The following CTSK variants were observed in gnomAD, a reference collection of about 807,000 sequenced individuals.
The protein encoded by CTSK is cathepsin O.
In CTSK, 26 loss-of-function variants were observed where a neutral mutation model predicts 40.5. That is an observed-to-expected ratio of 0.64 (90% CI 0.47 to 0.89). The LOEUF is 0.89. Ranked by LOEUF, CTSK falls within the 40% of genes least tolerant of loss-of-function variation. The probability of loss-of-function intolerance (pLI) is 0.00; values close to 1 mark genes in which losing one functional copy is unlikely to be tolerated. For synonymous variants in CTSK, 132 were observed against 143.2 expected (o/e 0.92, Z 0.56); for missense variants, 292 against 400.1 (o/e 0.73, Z 2.30).
At chr1:150,807,080 T>TCTCACACACA (rs1491280032) in intron 1 of CTSK, among the ~76,000 whole-genome samples, 1 of 69,552 alleles carries the variant, frequency 1.4e-5, no homozygotes, top group Non-Finnish European at 3.6e-5. Context: ...TCTCTCTCTC[T>TCTCACACACA]CACACACACA....
intron 4 of CTSK, 129 bp from the exon 5 acceptor site, chr1:150,804,368 C>T (rs1654047697): frequency 1.3e-6 from 1 of 759,396 alleles, no homozygotes; most frequent in Non-Finnish European, 2.3e-6. Flanking sequence ...TGTGAGTCTT[C>T]CTCTTCCGCT....
chr1:150,796,987 T>A (rs1653887802), intron 7 of CTSK, 89 bp from the exon 8 acceptor site: 2 of 914,020 alleles, frequency 2.2e-6, no homozygotes, highest in South Asian at 2.7e-5. Context: ...GTACTGATGG[T>A]ACACAAAAAT....
chr1:150,798,175 C>A (rs1311619329), intron 7 of CTSK, among the ~76,000 whole-genome samples: 1 of 152,088 alleles, frequency 6.6e-6, no homozygotes, highest in African/African-American at 2.4e-5. Flanking sequence ...TTTCTTTGTT[C>A]CCCAACATAG....
Position 150,806,767 on chromosome 1 carries a change from G to A in CTSK, c.39C>T (p.Ser13=), listed in dbSNP as rs1654100809. Residue 13 remains serine, a synonymous_variant, in exon 2 of 8, where the codon AGC becomes AGT. Transcript: ENST00000271651. ...GLKVLLLPVV[S]FALYPEEILD... ...GTATCTCCTCAGGGTACAGAGCAAA[G>A]CTCACCACAGGTAGCAGCAGAACCT... The A allele has an allele frequency of 6.2e-7, 1 of 1,614,036 alleles. No homozygotes were observed. The highest frequency in any genetic ancestry group is 2.2e-5 in the East Asian group (1 of 44,882).
intron 1 of CTSK, among the ~76,000 whole-genome samples, chr1:150,807,925 G>T (rs1654149120): frequency 6.6e-6 from 1 of 152,126 alleles, no homozygotes; most frequent in Admixed American, 6.5e-5. Context: ...ATCCTTGTTG[G>T]CCAAAGTAGA....
chr1:150,796,836 C>T lies in CTSK; in HGVS notation c.953G>A (p.Cys318Tyr), dbSNP rs762780994. The T allele has an allele frequency of 1.8e-5, 29 of 1,614,192 alleles. No homozygotes were observed. The African/African-American group carries it at 2.5e-4, about 14-fold the overall frequency. Reference protein sequence around the residue: ...ILMARNKNNACGIANLASFPK... With the variant: ...ILMARNKNNAYGIANLASFPK... ...GAAGCTGGCCAGGTTGGCAATGCCACAGGCGTTGTTCTTATTTCGAGCCAT... is the reference window on the plus strand; with the variant it reads ...GAAGCTGGCCAGGTTGGCAATGCCATAGGCGTTGTTCTTATTTCGAGCCAT... Residue 318 changes from cysteine (C) to tyrosine (Y), a missense_variant, in exon 8 of 8, where the codon TGT (cysteine) becomes TAT (tyrosine). Cys to Tyr is a radical substitution (Grantham distance 194, BLOSUM62 -2). Transcript: ENST00000271651.
chr1:150,803,794 C>G (rs1473065121), intron 5 of CTSK, among the ~76,000 whole-genome samples: 4 of 152,186 alleles, frequency 2.6e-5, no homozygotes, highest in African/African-American at 9.7e-5. Context: ...AGCCTAGCCT[C>G]TGTTTTCTCT....
intron 5 of CTSK, among the ~76,000 whole-genome samples, chr1:150,800,210 C>CAAAAAAAAAAAA (rs1553196993): frequency 8.6e-5 from 3 of 34,830 alleles, no homozygotes; most frequent in African/African-American, 1.9e-4. Flanking sequence ...AAAAAAAAAT[C>CAAAAAAAAAAAA]AACTACAGGT....
Position 150,799,517 on chromosome 1 carries a change from T to C in CTSK, c.784+27A>G, listed in dbSNP as rs200101882. 6.2e-6 allele frequency: 10 copies of C among 1,613,466 alleles called. 1 individual carries two copies. Among genetic ancestry groups the C allele is most frequent in the East Asian group, 2.2e-5 (1 of 44,882 alleles). On this transcript the variant is annotated intron_variant, in intron 6 of 7. Transcript: ENST00000271651. Reference sequence around the variant, plus strand: ...ATCAAGTTTGTATCATAAAAGACAGTGCTGTATAGGATCAGCAGCTTCTTA... The same window carrying C: ...ATCAAGTTTGTATCATAAAAGACAGCGCTGTATAGGATCAGCAGCTTCTTA...
chr1:150,806,561 G>C, intron 2 of CTSK, 125 bp downstream of exon 2: 1 of 1,246,932 alleles, frequency 8.0e-7, no homozygotes, highest in Admixed American at 1.7e-5. Flanking sequence ...GTTAACATGA[G>C]TTAGGGAAGA....
intron 7 of CTSK, among the ~76,000 whole-genome samples, chr1:150,797,717 A>C (rs1653903290): frequency 6.6e-6 from 1 of 150,642 alleles, no homozygotes; most frequent in Admixed American, 6.6e-5. Flanking sequence ...ACCCTCCCCC[A>C]CTCTCCCCTT....
At chr1:150,805,499 C>T (rs587695923) in intron 4 of CTSK, among the ~76,000 whole-genome samples, 2 of 151,302 alleles carry the variant, frequency 1.3e-5, no homozygotes, top group Non-Finnish European at 3.0e-5. Flanking sequence ...ATTAGCCAGG[C>T]GTAGTGGCGC....
In CTSK at chr1:150,799,201, T is replaced by A. The variant is rs1229188322; in HGVS notation, c.857A>T (p.Gln286Leu). The A allele has an allele frequency of 1.2e-6, 2 of 1,612,712 alleles. No individual in the cohort carries two copies. The highest frequency in any genetic ancestry group is 4.5e-5 in the East Asian group (2 of 44,888). ...HAVLAVGYGI[Q>L]KGNKHWIIKN... ...AATTATCCAGTGCTTGTTTCCCTTC[T>A]GGATTCCATATCCCACTGCCAAAAC... Residue 286 changes from glutamine to leucine, a missense_variant, in exon 7 of 8, where the codon CAG (glutamine) becomes CTG (leucine). By Grantham distance (113) the Gln-to-Leu change is moderately radical. Coordinates refer to ENST00000271651, the MANE Select transcript of CTSK (RefSeq NM_000396.4).
intron 4 of CTSK, among the ~76,000 whole-genome samples, 188 bp from the exon 5 acceptor site, chr1:150,804,427 T>C (rs1654049024): frequency 6.6e-6 from 1 of 152,228 alleles, no homozygotes; most frequent in Non-Finnish European, 1.5e-5. Flanking sequence ...CTACCATTTT[T>C]ACTATTAGCT....
intron 2 of CTSK, among the ~76,000 whole-genome samples, 155 bp from the exon 3 acceptor site, chr1:150,806,379 T>G (rs1349980219): frequency 6.6e-6 from 1 of 152,132 alleles, no homozygotes; most frequent in Non-Finnish European, 1.5e-5. Context: ...CAAGAAGAGA[T>G]AATATGTAAA....
At position 150,806,214 on chromosome 1, in the gene CTSK, ATTTCAT is replaced by A. The variant is rs761654710; in HGVS notation, c.125_130del (p.Asp42_Ile44delinsVal). ...TTTTTCCCAAATTAAACGCCGAGAG[ATTTCAT>A]CCACCTAAACAAAGCATAGTCAGTA... On this transcript the variant is annotated inframe_deletion, in exon 3 of 8. Coordinates refer to ENST00000271651, the MANE Select transcript of CTSK (RefSeq NM_000396.4). The A allele has an allele frequency of 6.2e-7, 1 of 1,614,076 alleles. No homozygotes were observed. The highest frequency in any genetic ancestry group is 2.2e-5 in the East Asian group (1 of 44,884).
intron 6 of CTSK, 54 bp downstream of exon 6, chr1:150,799,490 C>A (rs1653940512): frequency 1.2e-6 from 2 of 1,603,234 alleles, no homozygotes; most frequent in African/African-American, 2.7e-5. Flanking sequence ...CTTCGAGAAA[C>A]CATCAAGTTT....
chr1:150,807,395 A>G (rs757689762), intron 1 of CTSK: 1 of 471,054 alleles, frequency 2.1e-6, no homozygotes, highest in South Asian at 1.5e-5. Context: ...TTTCTGAGAC[A>G]TTGTATATCT....
intron 4 of CTSK, among the ~76,000 whole-genome samples, chr1:150,805,057 T>C (rs903089884): frequency 6.6e-6 from 1 of 151,544 alleles, no homozygotes; most frequent in African/African-American, 2.4e-5. Flanking sequence ...ACAAAAAATT[T>C]TTTAAAATTA....
Sources: allele counts gnomAD v4.1 joint callset (sites outside exome capture counted in the v4.1 genomes callset), GRCh38; gene constraint gnomAD v4.1.1; transcripts MANE v1.5; gene names NCBI Gene and HGNC (gene_info 2026-07-23, HGNC 2026-07-21).